The following EVC2 variants were observed in gnomAD, a reference collection of about 807,000 sequenced individuals.
EVC2 encodes the protein limbin.
EVC2 carries 148 observed loss-of-function variants against 149.3 expected under a neutral mutation model. The observed-to-expected ratio is 0.99, with a 90% CI of 0.87 to 1.14. The LOEUF (loss-of-function observed/expected upper bound fraction) is 1.14, where lower values mean the gene tolerates loss of function less well. Ranked by LOEUF, EVC2 falls within the 50% of genes most tolerant of loss-of-function variation. EVC2 has a pLI of 0.00. For missense variants in EVC2, 1,854 were observed against 1,627.3 expected, an observed-to-expected ratio of 1.14 and a Z score of -2.40; for synonymous variants, 776 against 649.9, an observed-to-expected ratio of 1.19 and a Z score of -2.95.
chr4:5,623,062 T>C (rs1715841195), intron 13 of EVC2, 71 bp from the exon 14 acceptor site: 12 of 1,406,578 alleles, frequency 8.5e-6, no homozygotes, highest in Non-Finnish European at 1.1e-5. Flanking sequence ...TGAAACACTT[T>C]GTTGCAGGAA....
chr4:5,639,122 C>T (rs956047789), intron 10 of EVC2, among the ~76,000 whole-genome samples: 1 of 152,060 alleles, frequency 6.6e-6, no homozygotes, highest in African/African-American at 2.4e-5. Flanking sequence ...TGTCTGACCA[C>T]AGATGACCAT....
intron 16 of EVC2, among the ~76,000 whole-genome samples, chr4:5,609,431 C>A (rs1023396986): frequency 6.6e-6 from 1 of 152,190 alleles, no homozygotes; most frequent in Admixed American, 6.5e-5. Context: ...GCTGTCAACT[C>A]AAGAGTGTCT....
chr4:5,685,337 G>A, intron 6 of EVC2, 33 bp downstream of exon 6: 1 of 1,587,390 alleles, frequency 6.3e-7, no homozygotes. Context: ...CTTGGCAGTG[G>A]CAAGACAGAG....
chr4:5,620,002 G>A (rs1390383280), intron 14 of EVC2, among the ~76,000 whole-genome samples: 3 of 152,202 alleles, frequency 2.0e-5, no homozygotes, highest in African/African-American at 4.8e-5. Flanking sequence ...AGATCTCAGT[G>A]TGGGAATGTG....
intron 21 of EVC2, among the ~76,000 whole-genome samples, chr4:5,546,808 G>C (rs1011353490): frequency 6.6e-6 from 1 of 152,106 alleles, no homozygotes; most frequent in African/African-American, 2.4e-5. Context: ...AGCCTGTCTA[G>C]AGTGGCTGCT....
At chr4:5,608,744 C>T (rs540660581) in intron 16 of EVC2, among the ~76,000 whole-genome samples, 16 of 152,104 alleles carry the variant, frequency 1.1e-4, no homozygotes, top group African/African-American at 3.6e-4. Context: ...ACATGTTGGC[C>T]AGCTGATCTT....
intron 9 of EVC2, among the ~76,000 whole-genome samples, chr4:5,650,628 TATATATATATAGAGAGAG>T (rs1365957422): frequency 1.2e-4 from 9 of 77,362 alleles, no homozygotes; most frequent in East Asian, 4.8e-4. Flanking sequence ...TATATATATA[TATATATATATAGAGAGAG>T]AGAGAGAGAG....
chr4:5,602,369 G>T (rs1714057546), intron 16 of EVC2, among the ~76,000 whole-genome samples: 1 of 148,314 alleles, frequency 6.7e-6, no homozygotes, highest in Non-Finnish European at 1.5e-5. Context: ...AACTAAAAAG[G>T]AAACTAAAGA....
chr4:5,530,829 G>A, the EVC2 span, among the ~76,000 whole-genome samples: 3 of 152,116 alleles, frequency 2.0e-5, no homozygotes, highest in Non-Finnish European at 4.4e-5. Flanking sequence ...TGGTGAATAA[G>A]GTTTCAGTAA....
At chr4:5,553,050 A>G (rs545262750) in intron 21 of EVC2, among the ~76,000 whole-genome samples, 1 of 152,182 alleles carries the variant, frequency 6.6e-6, no homozygotes, top group African/African-American at 2.4e-5. Context: ...TCACATTGCT[A>G]TAAAGAAATA....
chr4:5,594,297 G>A (rs541984682), intron 16 of EVC2, among the ~76,000 whole-genome samples: 46 of 152,304 alleles, frequency 3.0e-4, no homozygotes, highest in Admixed American at 1.2e-3. Context: ...CCTGACCCCC[G>A]AGCAGCCTAA....
chr4:5,620,250 A>G (rs1715594687), intron 14 of EVC2, among the ~76,000 whole-genome samples: 1 of 152,200 alleles, frequency 6.6e-6, no homozygotes, highest in South Asian at 2.1e-4. Context: ...ATTACGCCGA[A>G]TCCAAAGTGA....
rs145909403 is a variant in EVC2, at chr4:5,631,998, A to C, written c.1505T>G (p.Leu502Arg). 141 of 1,614,184 alleles carry C rather than the reference A, an allele frequency of 8.7e-5. No individual in the cohort carries two copies. The African/African-American group carries it at 1.5e-3, about 17-fold the overall frequency. ...CAAGTGCTCCTGTTCCAGGCCATGG[A>C]GGGTCCGCAGAAGGTTGCTGCACTC... is the stretch of plus-strand genomic sequence containing the variant. ...AVECSNLLRT[L>R]HGLEQEHLRK... is the part of the protein sequence containing the mutation. Residue 502 changes from leucine (L) to arginine (R), a missense_variant, in exon 11 of 22, where the codon CTC (leucine) becomes CGC (arginine). Coordinates refer to ENST00000344408, the MANE Select transcript of EVC2 (RefSeq NM_147127.5).
intron 16 of EVC2, among the ~76,000 whole-genome samples, chr4:5,593,633 C>T (rs572211634): frequency 2.6e-4 from 39 of 152,326 alleles, no homozygotes; most frequent in Non-Finnish European, 5.3e-4. Context: ...CAGCTCCCAG[C>T]GTGAGCGACG....
At chr4:5,621,602 C>G (rs1189503364) in intron 14 of EVC2, among the ~76,000 whole-genome samples, 2 of 152,194 alleles carry the variant, frequency 1.3e-5, no homozygotes, top group African/African-American at 2.4e-5. Context: ...ACAAAAGGCT[C>G]CCTTCCTGGG....
At chr4:5,608,166 C>T (rs1714546518) in intron 16 of EVC2, among the ~76,000 whole-genome samples, 2 of 152,144 alleles carry the variant, frequency 1.3e-5, no homozygotes, top group South Asian at 4.1e-4. Context: ...AGGGCCATAT[C>T]AATTTGGGAC....
intron 10 of EVC2, among the ~76,000 whole-genome samples, chr4:5,639,266 G>A (rs887536349): frequency 2.6e-5 from 4 of 152,204 alleles, no homozygotes; most frequent in African/African-American, 7.2e-5. Context: ...CCCTAGGGGA[G>A]TAGATGTTCA....
At chr4:5,698,613 G>A (rs191910013) in intron 1 of EVC2, among the ~76,000 whole-genome samples, 2 of 152,342 alleles carry the variant, frequency 1.3e-5, no homozygotes, top group East Asian at 3.9e-4. Flanking sequence ...TCTCCCAGAT[G>A]GAACCTTCTC....
rs138112978 is a variant in EVC2, at chr4:5,696,851, A to G, written c.283+742T>C. Among the ~76,000 whole-genome samples the G allele has an allele frequency of 3.9e-3, 600 of 152,268 alleles. 4 individuals carry two copies. The highest frequency in any genetic ancestry group is 0.014 in the African/African-American group (569 of 41,546). On this transcript the variant is annotated intron_variant, in intron 2 of 21. Coordinates refer to ENST00000344408, the MANE Select transcript of EVC2 (RefSeq NM_147127.5). This position sits in a 1 kb window ranked among gnomAD's most constrained non-coding sequence, Gnocchi z 4.1. ...GGTCCGCAAAGACAGCCAGGTCCTA[A>G]CCCCATGAAGCTGTGAATGTTATCT...
Sources: gnomAD v4.1 joint callset for allele counts (sites outside exome capture counted in the v4.1 genomes callset) on GRCh38, gnomAD v4.1.1 for gene constraint, Gnocchi (gnomAD v3.1) non-coding constraint, MANE v1.5 for transcripts, NCBI Gene and HGNC (gene_info 2026-07-23, HGNC 2026-07-21) for gene names.